Variants in PAK1 observed in about 807,000 individuals in gnomAD.
PAK1 encodes the protein serine/threonine-protein kinase PAK 1.
In PAK1, 29 loss-of-function variants were observed where a neutral mutation model predicts 67.4. That is an observed-to-expected ratio of 0.43 (90% CI 0.32 to 0.59). PAK1 has a LOEUF of 0.59. Among genes scored for constraint, PAK1 ranks in the 20% least tolerant of loss-of-function variants. The pLI is 0.07. For synonymous variants in PAK1, 223 were observed against 237.4 expected (o/e 0.94, Z 0.56); for missense variants, 337 against 670.7 (o/e 0.50, Z 5.50).
At chr11:77,326,617 T>C (rs961246259) in intron 14 of PAK1, among the ~76,000 whole-genome samples, 6 of 151,816 alleles carry the variant, frequency 4.0e-5, no homozygotes, top group Admixed American at 3.9e-4. Flanking sequence ...CCTGGGGAGG[T>C]TGAGGCTACA....
At position 77,322,940 on chromosome 11, in the gene PAK1, A is replaced by G; in HGVS notation, c.*334T>C. On this transcript the variant is annotated 3_prime_UTR_variant, in exon 15 of 15. Transcript: ENST00000356341. ...CATAAATTTATATAGTCAAGAATTA[A>G]TTGTGGGAGATGGTTATGAAGGAGG... 1.7e-6 allele frequency: 1 copy of G among 584,666 alleles called. No individual in the cohort carries two copies. The highest frequency in any genetic ancestry group is 3.0e-6 in the Non-Finnish European group (1 of 330,478). The allele number at this position is 584,666 out of a possible 1,614,324, so 36.2% of individuals were successfully genotyped here.
At chr11:77,515,446 T>A in the PAK1 span, among the ~76,000 whole-genome samples, 1 of 152,218 alleles carries the variant, frequency 6.6e-6, no homozygotes, top group African/African-American at 2.4e-5. Context: ...ACCCCGTGCA[T>A]GATTTGGTTA....
chr11:77,326,800 G>A (rs1182428691), intron 14 of PAK1, among the ~76,000 whole-genome samples: 3 of 152,164 alleles, frequency 2.0e-5, no homozygotes, highest in East Asian at 1.9e-4. Flanking sequence ...TGACTCTGAC[G>A]AGTTGAAAGA....
intron 1 of PAK1, among the ~76,000 whole-genome samples, chr11:77,472,128 C>T (rs1045604021): frequency 2.0e-5 from 3 of 152,196 alleles, no homozygotes; most frequent in African/African-American, 7.2e-5. Flanking sequence ...AGGCCTGAAA[C>T]ATAGTAGCTC....
intron 1 of PAK1, among the ~76,000 whole-genome samples, chr11:77,423,583 G>C (rs1292979547): frequency 1.3e-5 from 2 of 152,000 alleles, no homozygotes; most frequent in African/African-American, 2.4e-5. Flanking sequence ...CAAAATTTAA[G>C]AAAAAAGGGT....
intron 1 of PAK1, among the ~76,000 whole-genome samples, chr11:77,410,510 A>G (rs1389107023): frequency 6.6e-6 from 1 of 152,166 alleles, no homozygotes; most frequent in African/African-American, 2.4e-5. Flanking sequence ...AAAGGTCTCT[A>G]CAAACCAGTA....
chr11:77,379,725 T>A (rs534844650), intron 3 of PAK1, among the ~76,000 whole-genome samples, 169 bp downstream of exon 3: 1 of 152,334 alleles, frequency 6.6e-6, no homozygotes, highest in Non-Finnish European at 1.5e-5. Flanking sequence ...GAAAGGCTTC[T>A]CTGGATACAA....
intron 1 of PAK1, among the ~76,000 whole-genome samples, chr11:77,453,539 A>T (rs570630294): frequency 6.6e-6 from 1 of 151,944 alleles, no homozygotes; most frequent in South Asian, 2.1e-4. Flanking sequence ...AACAAGGGGG[A>T]AAAGGGCATG....
At chr11:77,394,078 A>ATG (rs1357682115) in intron 1 of PAK1, among the ~76,000 whole-genome samples, 1 of 152,230 alleles carries the variant, frequency 6.6e-6, no homozygotes, top group East Asian at 1.9e-4. Context: ...TATCTTAAAT[A>ATG]AACGTCCTTG....
At chr11:77,329,685 T>A (rs1940978900) in intron 14 of PAK1, among the ~76,000 whole-genome samples, 1 of 151,892 alleles carries the variant, frequency 6.6e-6, no homozygotes, top group Non-Finnish European at 1.5e-5. Context: ...TCATACTGAA[T>A]GGGCAAAAAC....
the PAK1 span, among the ~76,000 whole-genome samples, chr11:77,487,495 GCT>G: frequency 6.6e-6 from 1 of 151,876 alleles, no homozygotes; most frequent in South Asian, 2.1e-4. Flanking sequence ...CACCAAGCAG[GCT>G]CTTGGGGTTC....
At chr11:77,394,472 TC>T (rs1387981320) in intron 1 of PAK1, among the ~76,000 whole-genome samples, 2 of 151,902 alleles carry the variant, frequency 1.3e-5, no homozygotes, top group African/African-American at 4.8e-5. Context: ...AAAGAACTGA[TC>T]CCCCCACATC....
In PAK1 at chr11:77,425,997, C is replaced by T. The variant is rs571217798; in HGVS notation, c.-21-33456G>A. On this transcript the variant is annotated intron_variant, in intron 1 of 14. Coordinates refer to ENST00000356341, the MANE Select transcript of PAK1 (RefSeq NM_002576.5). ...TACTCCTGGGTTCAAGGAATCTTCC[C>T]ACCTCAGCCTCCCAAAGTGCTGGGA... Among the ~76,000 whole-genome samples the T allele has an allele frequency of 3.3e-5, 5 of 152,032 alleles. No homozygotes were observed. In the East Asian group the frequency reaches 9.6e-4, roughly 29 times the overall value.
chr11:77,507,981 A>G, the PAK1 span, among the ~76,000 whole-genome samples: 6 of 152,128 alleles, frequency 3.9e-5, no homozygotes, highest in Non-Finnish European at 7.4e-5. Flanking sequence ...CATTTCCTTC[A>G]TGCCCCTTAT....
Position 77,374,361 on chromosome 11 carries a change from C to G in PAK1, c.444G>C (p.Lys148Asn), listed in dbSNP as rs756375271. The stretch of plus-strand genomic sequence containing the variant: ...TAGAAGAATTGTAATCCTCAGCTGA[C>G]TTATCTGCACAGGAAGAAAAACAAG... ...NSQKYMSFTD[K>N]SAEDYNSSNA... Residue 148 changes from lysine (K) to asparagine (N), a missense_variant, in exon 5 of 15, where the codon AAG (lysine) becomes AAC (asparagine). Physicochemically the swap from Lys to Asn is moderately conservative, Grantham distance 94 (BLOSUM62 0). Transcript: ENST00000356341. The G allele has an allele frequency of 2.5e-6, 4 of 1,595,038 alleles. No homozygotes were observed. In the East Asian group the frequency reaches 8.9e-5, roughly 36 times the overall value.
chr11:77,470,927 C>T (rs1957822775), intron 1 of PAK1, among the ~76,000 whole-genome samples: 1 of 152,188 alleles, frequency 6.6e-6, no homozygotes, highest in African/African-American at 2.4e-5. Context: ...AAAAGCTCAA[C>T]CTAAAATGAA....
intron 1 of PAK1, among the ~76,000 whole-genome samples, chr11:77,461,881 A>C (rs2135492841): frequency 6.6e-6 from 1 of 152,348 alleles, no homozygotes; most frequent in South Asian, 2.1e-4. Flanking sequence ...TGCCTTCGAT[A>C]ATACTAAAAA....
At chr11:77,401,568 C>G (rs1457517093) in intron 1 of PAK1, among the ~76,000 whole-genome samples, 1 of 152,200 alleles carries the variant, frequency 6.6e-6, no homozygotes, top group Non-Finnish European at 1.5e-5. Context: ...CCCCACCTAT[C>G]TTTTTAGTTT....
the PAK1 span, among the ~76,000 whole-genome samples, chr11:77,481,073 C>T: frequency 6.6e-6 from 1 of 152,130 alleles, no homozygotes; most frequent in African/African-American, 2.4e-5. Context: ...TGTTCTAGTG[C>T]ATATTTTAAA....
Sources: allele counts gnomAD v4.1 joint callset (sites outside exome capture counted in the v4.1 genomes callset), GRCh38; gene constraint gnomAD v4.1.1; transcripts MANE v1.5; gene names NCBI Gene and HGNC (gene_info 2026-07-23, HGNC 2026-07-21).